The following PATJ variants were observed in gnomAD, a reference collection of about 807,000 sequenced individuals.
PATJ encodes inaD-like protein.
In PATJ, 190 loss-of-function variants were observed where a neutral mutation model predicts 224.9. The ratio of observed to expected loss-of-function variants is 0.84; its 90% CI spans 0.75 to 0.95. The LOEUF is 0.95. Ranked by LOEUF, PATJ falls within the 40% of genes least tolerant of loss-of-function variation. PATJ has a pLI of 0.00. For synonymous variants in PATJ, 769 were observed against 820.3 expected (o/e 0.94, Z 1.07); for missense variants, 2,121 against 2,270.3 (o/e 0.93, Z 1.34).
At chr1:61,899,683 T>G in intron 23 of PATJ, 29 bp downstream of exon 23, 1 of 1,463,660 alleles carries the variant, frequency 6.8e-7, no homozygotes, top group Non-Finnish European at 9.5e-7. Flanking sequence ...TGTGGCTTTC[T>G]CAATAGGAGC....
rs193013710 is a variant in PATJ, at chr1:62,120,318, T to C, written c.4891-863T>C. On this transcript the variant is annotated intron_variant, in intron 37 of 43. Coordinates refer to ENST00000642238, the MANE Select transcript of PATJ (RefSeq NM_001350145.3). ...TATATATTTGAAGGTTTTCATATTT[T>C]AGGAATTAAAATATTAAACAACTTT... is the stretch of plus-strand genomic sequence containing the variant. Among the ~76,000 whole-genome samples, 80 of 152,356 alleles carry C rather than the reference T, an allele frequency of 5.3e-4. 1 individual carries two copies. Among genetic ancestry groups the C allele is most frequent in the Non-Finnish European group, 8.2e-4 (56 of 68,030 alleles).
intron 33 of PATJ, among the ~76,000 whole-genome samples, chr1:62,103,255 G>A (rs1558171328): frequency 6.6e-6 from 1 of 152,210 alleles, no homozygotes. Flanking sequence ...ACAATCCTGA[G>A]ATGGAATTTC....
At position 61,817,593 on chromosome 1, in the gene PATJ, G is replaced by A. The variant is rs543826362; in HGVS notation, c.1684-5352G>A. ...GCAGAATCACTTGAACTTGACAGGC[G>A]GTGGTTGCAGTGAGCCGAGATCGCA... is the stretch of plus-strand genomic sequence containing the variant. On this transcript the variant is annotated intron_variant, in intron 14 of 43. Coordinates refer to ENST00000642238, the MANE Select transcript of PATJ (RefSeq NM_001350145.3). 7.8e-4 allele frequency among the ~76,000 whole-genome samples: 119 copies of A among 152,264 alleles called. 2 individuals carry two copies. The highest frequency in any genetic ancestry group is 2.6e-3 in the African/African-American group (106 of 41,546).
chr1:62,037,524 CA>C (rs1650662681), intron 29 of PATJ, among the ~76,000 whole-genome samples: 1 of 152,166 alleles, frequency 6.6e-6, no homozygotes, highest in Non-Finnish European at 1.5e-5. Context: ...CATCATCCTT[CA>C]TTTGGCAAAA....
intron 31 of PATJ, among the ~76,000 whole-genome samples, chr1:62,059,868 G>A (rs1439490186): frequency 2.0e-5 from 3 of 152,052 alleles, no homozygotes; most frequent in Non-Finnish European, 4.4e-5. Flanking sequence ...TGATGGTTAC[G>A]TAGATATGAA....
chr1:61,762,935 TA>T (rs763650355), intron 2 of PATJ, 21 bp downstream of exon 2: 1 of 1,507,498 alleles, frequency 6.6e-7, no homozygotes, highest in Admixed American at 1.8e-5. Flanking sequence ...TATATTGTTC[TA>T]TAATTAAATT....
intron 31 of PATJ, among the ~76,000 whole-genome samples, chr1:62,074,721 T>C (rs2148705220): frequency 6.6e-6 from 1 of 152,276 alleles, no homozygotes; most frequent in Non-Finnish European, 1.5e-5. Context: ...CCCAGCACTT[T>C]GGGAGGCTGA....
rs982019508 is a variant in PATJ, at chr1:62,073,267, G to A, written c.4126-6183G>A. 31 of 985,308 alleles carry A rather than the reference G, an allele frequency of 3.1e-5. No individual in the cohort carries two copies. The African/African-American group carries it at 5.1e-4, about 16-fold the overall frequency. The allele number at this position is 985,308 out of a possible 1,614,324, so 61.0% of individuals were successfully genotyped here. Reference sequence around the variant, plus strand: ...GCCACAACTGTATCATTGATTCTGTGCAAGTTGATGCAAATATCTTGTGTT... The same window carrying A: ...GCCACAACTGTATCATTGATTCTGTACAAGTTGATGCAAATATCTTGTGTT... On this transcript the variant is annotated intron_variant, in intron 31 of 43. Transcript: ENST00000642238.
chr1:62,145,789 C>G (rs1667981895), intron 41 of PATJ, among the ~76,000 whole-genome samples: 1 of 151,872 alleles, frequency 6.6e-6, no homozygotes, highest in African/African-American at 2.4e-5. Flanking sequence ...AACCCTGTCT[C>G]TACTAAAAAT....
chr1:61,990,297 T>C lies in PATJ; in HGVS notation c.3800T>C (p.Val1267Ala). Residue 1267 changes from valine to alanine, a missense_variant, in exon 28 of 44, where the codon GTG becomes GCG. Val to Ala is a moderately conservative substitution (Grantham distance 64). Coordinates refer to ENST00000642238, the MANE Select transcript of PATJ (RefSeq NM_001350145.3). ...CGATCACGCATGAGCATATTTGTGG[T>C]GGGAATTAACCCGGAAGGACCTGCT... The part of the protein sequence containing the change: ...KDRSRMSIFV[V>A]GINPEGPAAA... The C allele has an allele frequency of 1.9e-6, 3 of 1,614,050 alleles. No homozygotes were observed. The East Asian group carries it at 6.7e-5, about 36-fold the overall frequency.
chr1:62,155,440 A>C (rs1669085406), intron 43 of PATJ, among the ~76,000 whole-genome samples: 1 of 152,158 alleles, frequency 6.6e-6, no homozygotes, highest in Non-Finnish European at 1.5e-5. Flanking sequence ...CATACAGCTA[A>C]GAGTAAAATG....
At position 61,775,211 on chromosome 1, in the gene PATJ, T is replaced by C. The variant is rs1369419531; in HGVS notation, c.726T>C (p.Cys242=). 3 of 1,608,446 alleles carry C rather than the reference T, an allele frequency of 1.9e-6. No individual in the cohort carries two copies. The highest frequency in any genetic ancestry group is 2.2e-5 in the East Asian group (1 of 44,690). ...LNDTTLPETV[C]WGHVEEVELI... is the part of the protein sequence containing the mutation. ...TATTTGCCATTAATTTGTAGGTTTG[T>C]TGGGGCCATGTTGAAGAGGTTGAGC... is the stretch of plus-strand genomic sequence containing the variant. The change falls in exon 7 of 44, where the codon TGT becomes TGC. Residue 242 remains cysteine (C), a synonymous_variant. Transcript: ENST00000642238.
intron 41 of PATJ, among the ~76,000 whole-genome samples, chr1:62,142,492 GT>G (rs1334294583): frequency 6.6e-6 from 1 of 152,126 alleles, no homozygotes; most frequent in Non-Finnish European, 1.5e-5. Flanking sequence ...CCTTATGACA[GT>G]TTTAGATTCG....
At chr1:62,144,334 C>A (rs1667797795) in intron 41 of PATJ, among the ~76,000 whole-genome samples, 1 of 152,088 alleles carries the variant, frequency 6.6e-6, no homozygotes, top group African/African-American at 2.4e-5. Context: ...GGATGCTTCA[C>A]CCAAAATGTG....
At chr1:61,913,998 T>A (rs1010684593) in intron 25 of PATJ, among the ~76,000 whole-genome samples, 1 of 152,248 alleles carries the variant, frequency 6.6e-6, no homozygotes, top group African/African-American at 2.4e-5. Flanking sequence ...CCTGCATTTT[T>A]ATGCCCTGAT....
chr1:62,072,927 G>A (rs1657692246), intron 31 of PATJ: 1 of 523,522 alleles, frequency 1.9e-6, no homozygotes, highest in South Asian at 8.3e-5. Flanking sequence ...TTTTGTAGTA[G>A]ACTGAAGCCC....
At chr1:61,881,529 A>G (rs563194093) in intron 21 of PATJ, among the ~76,000 whole-genome samples, 71 of 150,626 alleles carry the variant, frequency 4.7e-4, no homozygotes, top group Non-Finnish European at 9.3e-4. Flanking sequence ...CTCGTGCCTC[A>G]GCCACCTGAG....
At chr1:62,039,190 G>A (rs185971576) in intron 30 of PATJ, 1 of 492,304 alleles carries the variant, frequency 2.0e-6, no homozygotes, top group South Asian at 2.1e-5. Context: ...AACTACTAAA[G>A]TTCCAGTAGT....
In PATJ at chr1:62,051,059, GT is replaced by G. The variant is rs1445055610; in HGVS notation, c.4125+2del. Reference sequence around the variant, plus strand: ...GCCTGAAAGTGAAAGCTTCAAACTGGTGAGAATCTTGAGTATTTTTCATCCT... The same window carrying G: ...GCCTGAAAGTGAAAGCTTCAAACTGGGAGAATCTTGAGTATTTTTCATCCT... On this transcript the variant is annotated splice_donor_variant, in intron 31 of 43. Coordinates refer to ENST00000642238, the MANE Select transcript of PATJ (RefSeq NM_001350145.3). LOFTEE classifies it high-confidence loss of function. The G allele has an allele frequency of 3.7e-6, 6 of 1,605,178 alleles. No homozygotes were observed. Among genetic ancestry groups the G allele is most frequent in the Non-Finnish European group, 5.1e-6 (6 of 1,172,288 alleles).
Sources: allele counts gnomAD v4.1 joint callset (sites outside exome capture counted in the v4.1 genomes callset), GRCh38; gene constraint gnomAD v4.1.1; transcripts MANE v1.5; gene names NCBI Gene and HGNC (gene_info 2026-07-23, HGNC 2026-07-21).